The following USP49 variants were observed in gnomAD, a reference collection of about 807,000 sequenced individuals.
USP49 encodes the protein ubiquitin carboxyl-terminal hydrolase 49.
USP49 carries 24 observed loss-of-function variants against 58.6 expected under a neutral mutation model. That is an observed-to-expected ratio of 0.41 (90% confidence interval 0.30 to 0.58). The LOEUF (loss-of-function observed/expected upper bound fraction) is 0.58, where lower values mean the gene tolerates loss of function less well. Among genes scored for constraint, USP49 ranks in the 20% least tolerant of loss-of-function variants. The pLI is 0.30. For synonymous variants in USP49, 408 were observed against 365.1 expected, an observed-to-expected ratio of 1.12 and a Z score of -1.34; for missense variants, 703 against 866.1, an observed-to-expected ratio of 0.81 and a Z score of 2.36.
intron 3 of USP49, among the ~76,000 whole-genome samples, chr6:41,857,753 C>T (rs1582024959): frequency 6.6e-6 from 1 of 152,202 alleles, no homozygotes; most frequent in Non-Finnish European, 1.5e-5. Flanking sequence ...CCTTTATCCA[C>T]CTGATTAGAC....
At chr6:41,875,794 C>T (rs1377443928) in intron 2 of USP49, among the ~76,000 whole-genome samples, 2 of 152,062 alleles carry the variant, frequency 1.3e-5, no homozygotes, top group East Asian at 3.9e-4. Context: ...TGCAGTGGTG[C>T]CATCTTGGCT....
chr6:41,849,153 C>G (rs1773975869), intron 3 of USP49, among the ~76,000 whole-genome samples: 1 of 151,992 alleles, frequency 6.6e-6, no homozygotes, highest in African/African-American at 2.4e-5. Flanking sequence ...CAGAAGAGAG[C>G]AGGAGTGGCT....
At chr6:41,881,424 ATAAAAAC>A (rs796686861) in intron 2 of USP49, among the ~76,000 whole-genome samples, 7 of 151,922 alleles carry the variant, frequency 4.6e-5, no homozygotes, top group African/African-American at 1.7e-4. Context: ...CTTAACATAA[ATAAAAAC>A]TAAATTCAAA....
At chr6:41,853,797 G>T (rs1459132183) in intron 3 of USP49, among the ~76,000 whole-genome samples, 1 of 151,630 alleles carries the variant, frequency 6.6e-6, no homozygotes, top group Non-Finnish European at 1.5e-5. Flanking sequence ...GGGAGTTCAA[G>T]ACCAGCCTGA....
chr6:41,848,412 G>C (rs1773961158), intron 3 of USP49, among the ~76,000 whole-genome samples: 1 of 152,020 alleles, frequency 6.6e-6, no homozygotes, highest in African/African-American at 2.4e-5. Context: ...TGTTACCCAG[G>C]CTACAGTGCA....
intron 3 of USP49, among the ~76,000 whole-genome samples, chr6:41,847,872 A>G (rs1256751695): frequency 6.6e-6 from 1 of 152,224 alleles, no homozygotes; most frequent in East Asian, 1.9e-4. Flanking sequence ...CTTTGAAGAA[A>G]TAACAGCTGC....
chr6:41,858,465 A>T (rs1774167516), intron 3 of USP49, among the ~76,000 whole-genome samples: 1 of 151,926 alleles, frequency 6.6e-6, no homozygotes, highest in South Asian at 2.1e-4. Flanking sequence ...ATTCTTCCTT[A>T]TGAGCTTTGA....
chr6:41,806,908 A>T lies in USP49; in HGVS notation c.76T>A (p.Cys26Ser). The change falls in exon 4 of 8, where the codon TGC becomes AGC. Residue 26 changes from cysteine (C) to serine (S), a missense_variant. By Grantham distance (112) the Cys-to-Ser change is moderately radical. Coordinates refer to ENST00000682992, the MANE Select transcript of USP49 (RefSeq NM_001286554.2). This position sits in a 1 kb window ranked among gnomAD's most constrained non-coding sequence, Gnocchi z 5.9. ...GACTCGGTGGTGGCACACTCTAAGC[A>T]GCACCACTTCTGAGGGTTCAGGATG... ...HSILNPQKWCCLECATTESVW... is the reference protein window; with the variant it reads ...HSILNPQKWCSLECATTESVW... The T allele has an allele frequency of 6.2e-7, 1 of 1,613,892 alleles. No individual in the cohort carries two copies. The highest frequency in any genetic ancestry group is 8.5e-7 in the Non-Finnish European group (1 of 1,179,972).
chr6:41,832,805 G>A (rs923021591), intron 3 of USP49: 6 of 152,120 alleles, frequency 3.9e-5, no homozygotes, highest in Non-Finnish European at 5.9e-5. Flanking sequence ...TAACTAAAAT[G>A]ATTGACTAAT....
At chr6:41,885,094 C>T (rs759633432) in intron 2 of USP49, among the ~76,000 whole-genome samples, 19 of 152,274 alleles carry the variant, frequency 1.2e-4, no homozygotes, top group Non-Finnish European at 2.4e-4. Flanking sequence ...TTCTATGTAA[C>T]GCCCTCCCTC....
chr6:41,859,730 C>T (rs988762611), intron 3 of USP49, among the ~76,000 whole-genome samples: 1 of 152,020 alleles, frequency 6.6e-6, no homozygotes, highest in Non-Finnish European at 1.5e-5. Context: ...AATATTCTGA[C>T]AAAAACTGAG....
intron 3 of USP49, among the ~76,000 whole-genome samples, chr6:41,813,669 C>T (rs1290121711): frequency 2.6e-5 from 4 of 152,196 alleles, no homozygotes; most frequent in Non-Finnish European, 5.9e-5. Context: ...GACTCACTAA[C>T]CTGCCATATG....
chr6:41,815,300 A>C (rs1773328788), intron 3 of USP49, among the ~76,000 whole-genome samples: 1 of 151,996 alleles, frequency 6.6e-6, no homozygotes, highest in Admixed American at 6.5e-5. Context: ...GGGCACCTGT[A>C]GTCCCAGCTA....
chr6:41,889,605 C>A (rs1394664542), intron 2 of USP49, among the ~76,000 whole-genome samples: 1 of 152,018 alleles, frequency 6.6e-6, no homozygotes, highest in Non-Finnish European at 1.5e-5. Flanking sequence ...ATGGGAGAGA[C>A]CTACAAACCC....
intron 7 of USP49, 198 bp downstream of exon 7, chr6:41,798,526 G>A (rs543769344): frequency 3.6e-5 from 52 of 1,441,998 alleles, no homozygotes; most frequent in Admixed American, 1.3e-4. Flanking sequence ...TCCACCCACC[G>A]CGGCCTCCCA....
chr6:41,888,546 C>T (rs932365213), intron 2 of USP49, among the ~76,000 whole-genome samples: 4 of 152,128 alleles, frequency 2.6e-5, no homozygotes, highest in African/African-American at 9.7e-5. Context: ...CTCTGCCTCC[C>T]GGATTCAAGA....
chr6:41,812,793 T>G (rs1419559774), intron 3 of USP49, among the ~76,000 whole-genome samples: 3 of 152,200 alleles, frequency 2.0e-5, no homozygotes, highest in Non-Finnish European at 4.4e-5. Context: ...TTCTTCCACT[T>G]AGACTAACAC....
chr6:41,887,708 T>C (rs1371411994), intron 2 of USP49, among the ~76,000 whole-genome samples: 7 of 152,216 alleles, frequency 4.6e-5, no homozygotes, highest in African/African-American at 9.6e-5. Flanking sequence ...CCTGGCTGCA[T>C]AGAAGGCACG....
intron 3 of USP49, among the ~76,000 whole-genome samples, chr6:41,827,430 C>T (rs563083876): frequency 5.3e-5 from 8 of 152,188 alleles, no homozygotes; most frequent in Admixed American, 3.9e-4. Context: ...GAGGCCGAGG[C>T]GGATGGATCA....
Sources: gnomAD v4.1 joint callset for allele counts (sites outside exome capture counted in the v4.1 genomes callset) on GRCh38, gnomAD v4.1.1 for gene constraint, Gnocchi (gnomAD v3.1) non-coding constraint, MANE v1.5 for transcripts, NCBI Gene and HGNC (gene_info 2026-07-23, HGNC 2026-07-21) for gene names.